Variants in NSD1 observed in about 807,000 individuals in gnomAD.
NSD1 encodes nuclear receptor binding SET domain protein 1.
A neutral mutation model predicts 242.7 loss-of-function variants in NSD1; 26 were observed. The ratio of observed to expected loss-of-function variants is 0.11; its 90% CI spans 0.08 to 0.15. The LOEUF (loss-of-function observed/expected upper bound fraction) is 0.15. Among genes scored for constraint, NSD1 ranks in the 10% least tolerant of loss-of-function variants. The pLI is 1.00. For missense variants in NSD1, 2,495 were observed against 3,272.8 expected, an observed-to-expected ratio of 0.76 and a Z score of 5.80; for synonymous variants, 1,106 against 1,178.1, an observed-to-expected ratio of 0.94 and a Z score of 1.25.
intron 5 of NSD1, among the ~76,000 whole-genome samples, chr5:177,232,024 C>T (rs1765100131): frequency 6.6e-6 from 1 of 152,106 alleles, no homozygotes; most frequent in Non-Finnish European, 1.5e-5. Context: ...TTCAGTCTCA[C>T]ATGTAGCTGG....
intron 6 of NSD1, among the ~76,000 whole-genome samples, chr5:177,236,480 C>T (rs915006477): frequency 6.6e-6 from 1 of 152,122 alleles, no homozygotes; most frequent in Non-Finnish European, 1.5e-5. Context: ...TAACCTTTAC[C>T]TTTGGATTAT....
At chr5:177,155,560 G>A (rs1758059452) in intron 2 of NSD1, among the ~76,000 whole-genome samples, 1 of 132,774 alleles carries the variant, frequency 7.5e-6, no homozygotes, top group Admixed American at 7.5e-5. Flanking sequence ...CACCGCACTG[G>A]CTTTTTTTTT....
chr5:177,135,058 A>G, intron 1 of NSD1, 29 bp from the exon 2 acceptor site: 1 of 1,594,290 alleles, frequency 6.3e-7, no homozygotes, highest in Non-Finnish European at 8.6e-7. Context: ...CTATTAACTC[A>G]GATTAATTGC....
chr5:177,204,104 T>C lies in NSD1; in HGVS notation c.1064-16T>C. 6.2e-7 allele frequency: 1 copy of C among 1,612,946 alleles called. No homozygotes were observed. Among genetic ancestry groups the C allele is most frequent in the Non-Finnish European group, 8.5e-7 (1 of 1,179,038 alleles). Reference sequence around the variant, plus strand: ...TTCTTTGATCTAATGATTCTGGTTCTCTTACCCTTACCTAGTTTCCAACCG... The same window carrying C: ...TTCTTTGATCTAATGATTCTGGTTCCCTTACCCTTACCTAGTTTCCAACCG... On this transcript the variant is annotated splice_polypyrimidine_tract_variant and intron_variant, in intron 3 of 22. Transcript: ENST00000439151.
At chr5:177,182,260 T>A (rs1760754889) in intron 2 of NSD1, among the ~76,000 whole-genome samples, 1 of 152,024 alleles carries the variant, frequency 6.6e-6, no homozygotes. Context: ...GAGGCTACAG[T>A]GAGTTGTTTT....
intron 17 of NSD1, among the ~76,000 whole-genome samples, chr5:177,277,629 G>A (rs1316376196): frequency 6.6e-6 from 1 of 152,052 alleles, no homozygotes; most frequent in Admixed American, 6.6e-5. Flanking sequence ...TAACAGGTTA[G>A]ATCAGTTGAT....
chr5:177,141,621 C>T (rs1224886039), intron 2 of NSD1, among the ~76,000 whole-genome samples: 2 of 151,986 alleles, frequency 1.3e-5, no homozygotes, highest in Non-Finnish European at 2.9e-5. Flanking sequence ...TGAGCCACCA[C>T]GACCTGCATA....
In NSD1 at chr5:177,158,718, C is replaced by T. The variant is rs181389961; in HGVS notation, c.927+22688C>T. ...TAGCCTGTAATCCCAGCTACTAGGGCGACTGAGGTGGTAGCATCGCTTGAG... is the reference window on the plus strand; with the variant it reads ...TAGCCTGTAATCCCAGCTACTAGGGTGACTGAGGTGGTAGCATCGCTTGAG... On this transcript the variant is annotated intron_variant, in intron 2 of 22. Coordinates refer to ENST00000439151, the MANE Select transcript of NSD1 (RefSeq NM_022455.5). Among the ~76,000 whole-genome samples, 380 of 149,048 alleles carry T rather than the reference C, an allele frequency of 2.5e-3. 1 individual carries two copies. The highest frequency in any genetic ancestry group is 8.8e-3 in the African/African-American group (351 of 39,964).
intron 2 of NSD1, among the ~76,000 whole-genome samples, chr5:177,158,964 A>C (rs1758444243): frequency 7.1e-6 from 1 of 141,830 alleles, no homozygotes; most frequent in South Asian, 2.1e-4. Context: ...ATATATATAC[A>C]CACACATATA....
chr5:177,236,434 A>C (rs565816173), intron 6 of NSD1, among the ~76,000 whole-genome samples: 1 of 152,320 alleles, frequency 6.6e-6, no homozygotes, highest in South Asian at 2.1e-4. Context: ...TGTTTATCTG[A>C]CATCAACTGT....
At position 177,256,919 on chromosome 5, in the gene NSD1, T is replaced by G. The variant is rs758823811; in HGVS notation, c.4766-32T>G. On this transcript the variant is annotated intron_variant, in intron 12 of 22. Coordinates refer to ENST00000439151, the MANE Select transcript of NSD1 (RefSeq NM_022455.5). ...TTTAGCATTTGGTAGATTCTTGAAT[T>G]CTTACTAATTTATCTTCTTTTGGCT... 3 of 1,577,412 alleles carry G rather than the reference T, an allele frequency of 1.9e-6. No individual in the cohort carries two copies. In the African/African-American group the frequency reaches 4.0e-5, roughly 21 times the overall value.
At chr5:177,248,480 T>C (rs920396387) in intron 11 of NSD1, among the ~76,000 whole-genome samples, 156 bp downstream of exon 11, 1 of 152,112 alleles carries the variant, frequency 6.6e-6, no homozygotes, top group Non-Finnish European at 1.5e-5. Flanking sequence ...CCTTTTTTTC[T>C]CCCCACAAAG....
intron 20 of NSD1, among the ~76,000 whole-genome samples, chr5:177,284,825 G>A (rs1318467673): frequency 6.6e-6 from 1 of 152,188 alleles, no homozygotes; most frequent in Admixed American, 6.5e-5. Flanking sequence ...AAACCACTGG[G>A]TGTGGTGGTA....
At position 177,294,775 on chromosome 5, in the gene NSD1, A is replaced by G; in HGVS notation, c.7407A>G (p.Ala2469=). 1 of 1,613,866 alleles carries G rather than the reference A, an allele frequency of 6.2e-7. No homozygotes were observed. Among genetic ancestry groups the G allele is most frequent in the Non-Finnish European group, 8.5e-7 (1 of 1,180,038 alleles). The change falls in exon 23 of 23, where the codon GCA becomes GCG. Residue 2469 remains alanine, a synonymous_variant. Transcript: ENST00000439151. ...IDLTPRQKER[A]ASPHQVTPQA... is the part of the protein sequence containing the mutation. ...TAACTCCTCGCCAGAAGGAGCGGGCAGCTTCACCTCATCAGGTCACACCAC... is the reference window on the plus strand; with the variant it reads ...TAACTCCTCGCCAGAAGGAGCGGGCGGCTTCACCTCATCAGGTCACACCAC...
At chr5:177,138,885 C>T (rs565236286) in intron 2 of NSD1, among the ~76,000 whole-genome samples, 3 of 150,836 alleles carry the variant, frequency 2.0e-5, no homozygotes, top group South Asian at 4.2e-4. Flanking sequence ...GTGATCCACC[C>T]GCCTCAGCCT....
At chr5:177,277,090 G>A (rs1039051290) in intron 17 of NSD1, among the ~76,000 whole-genome samples, 1 of 151,004 alleles carries the variant, frequency 6.6e-6, no homozygotes, top group Non-Finnish European at 1.5e-5. Context: ...TCCTGTGAGT[G>A]ATCTCATCAA....
intron 17 of NSD1, among the ~76,000 whole-genome samples, chr5:177,278,788 G>A (rs988822760): frequency 3.9e-5 from 6 of 152,176 alleles, no homozygotes; most frequent in African/African-American, 1.4e-4. Flanking sequence ...TGCGGTTTGT[G>A]TCTTAGAAGA....
At chr5:177,196,939 G>A (rs1189567386) in intron 3 of NSD1, among the ~76,000 whole-genome samples, 1 of 152,176 alleles carries the variant, frequency 6.6e-6, no homozygotes, top group Non-Finnish European at 1.5e-5. Flanking sequence ...TGTTTTTCCT[G>A]TACATACATA....
chr5:177,144,512 A>G (rs1757077692), intron 2 of NSD1, among the ~76,000 whole-genome samples: 1 of 152,188 alleles, frequency 6.6e-6, no homozygotes, highest in South Asian at 2.1e-4. Flanking sequence ...AATCAGAATA[A>G]TTTAATTTGT....
Sources: allele counts gnomAD v4.1 joint callset (sites outside exome capture counted in the v4.1 genomes callset), GRCh38; gene constraint gnomAD v4.1.1; transcripts MANE v1.5; gene names NCBI Gene and HGNC (gene_info 2026-07-23, HGNC 2026-07-21).